The following UBE2E2 variants were observed in gnomAD, a reference collection of about 807,000 sequenced individuals.
The protein encoded by UBE2E2 is ubiquitin-conjugating enzyme E2 E2.
Under a neutral mutation model 24.7 loss-of-function variants are expected in UBE2E2, and 6 were observed. The observed-to-expected ratio is 0.24, with a 90% CI of 0.13 to 0.48. The LOEUF (loss-of-function observed/expected upper bound fraction) is 0.48. UBE2E2 is among the 20% of genes least tolerant of loss of function. UBE2E2 has a pLI of 0.99. For missense variants in UBE2E2, 169 were observed against 245.0 expected (o/e 0.69, Z 2.07); for synonymous variants, 104 against 83.6 (o/e 1.24, Z -1.33).
intron 4 of UBE2E2, among the ~76,000 whole-genome samples, chr3:23,526,673 A>T (rs1052740306): frequency 1.1e-4 from 16 of 152,190 alleles, no homozygotes; most frequent in African/African-American, 3.9e-4. Context: ...AAACTTAGGG[A>T]TCAAGATTTT....
chr3:23,566,367 G>A (rs958374472), intron 5 of UBE2E2, among the ~76,000 whole-genome samples: 9 of 152,282 alleles, frequency 5.9e-5, no homozygotes, highest in Admixed American at 3.9e-4. Flanking sequence ...TTTGAAGAGC[G>A]AAGTTGTGTA....
At chr3:23,353,068 G>A (rs547021612) in intron 3 of UBE2E2, among the ~76,000 whole-genome samples, 1 of 152,302 alleles carries the variant, frequency 6.6e-6, no homozygotes, top group African/African-American at 2.4e-5. Flanking sequence ...TGGGATGCAA[G>A]GCTGGTTCAA....
chr3:23,497,107 A>C (rs1158672794), intron 3 of UBE2E2, among the ~76,000 whole-genome samples: 1 of 152,218 alleles, frequency 6.6e-6, no homozygotes, highest in Non-Finnish European at 1.5e-5. Context: ...CTGAGTTTAC[A>C]TCATCTGTTT....
intron 3 of UBE2E2, among the ~76,000 whole-genome samples, chr3:23,326,425 A>G (rs1249631572): frequency 6.6e-6 from 1 of 152,078 alleles, no homozygotes; most frequent in Non-Finnish European, 1.5e-5. Context: ...GCTTTTCAAG[A>G]TTTTTCAAAA....
At chr3:23,490,723 T>G (rs994723150) in intron 3 of UBE2E2, among the ~76,000 whole-genome samples, 1 of 152,080 alleles carries the variant, frequency 6.6e-6, no homozygotes, top group East Asian at 1.9e-4. Context: ...AAGGAAGTAT[T>G]ATGATGATTA....
At chr3:23,373,168 G>A (rs932453652) in intron 3 of UBE2E2, among the ~76,000 whole-genome samples, 1 of 152,122 alleles carries the variant, frequency 6.6e-6, no homozygotes, top group African/African-American at 2.4e-5. Flanking sequence ...TAGAATCCTA[G>A]TGAACTTAAA....
At chr3:23,463,661 A>G (rs935542201) in intron 3 of UBE2E2, among the ~76,000 whole-genome samples, 2 of 152,094 alleles carry the variant, frequency 1.3e-5, no homozygotes, top group African/African-American at 2.4e-5. Context: ...GTTTCTCTAA[A>G]ATGTTTGGCT....
At chr3:23,366,051 G>A (rs1696248832) in intron 3 of UBE2E2, among the ~76,000 whole-genome samples, 1 of 152,100 alleles carries the variant, frequency 6.6e-6, no homozygotes, top group Non-Finnish European at 1.5e-5. Context: ...GTGATAACTG[G>A]CTAGCAATTT....
intron 3 of UBE2E2, among the ~76,000 whole-genome samples, chr3:23,324,249 G>C (rs772071680): frequency 6.6e-6 from 1 of 152,018 alleles, no homozygotes; most frequent in African/African-American, 2.4e-5. Context: ...TGTATTAGTT[G>C]AATCTGTGAT....
chr3:23,252,649 G>A (rs370490663), intron 3 of UBE2E2, among the ~76,000 whole-genome samples: 7 of 152,040 alleles, frequency 4.6e-5, no homozygotes, highest in African/African-American at 7.2e-5. Context: ...GGCACGTGCC[G>A]CCGCATCCAG....
rs920048448 is a variant in UBE2E2, at chr3:23,474,964, C to T, written c.228-24644C>T. ...GATGACAAGCATTTCACTCAAATTG[C>T]TCCTCTCAAAGTCACCAACTGCATT... On this transcript the variant is annotated intron_variant, in intron 3 of 5. Transcript: ENST00000396703. This position sits in a 1 kb window ranked among gnomAD's most constrained non-coding sequence, Gnocchi z 4.0. Among the ~76,000 whole-genome samples the T allele has an allele frequency of 9.2e-5, 14 of 152,144 alleles. No homozygotes were observed. Among genetic ancestry groups the T allele is most frequent in the South Asian group, 6.2e-4 (3 of 4,822 alleles).
At chr3:23,375,236 A>G (rs977661994) in intron 3 of UBE2E2, among the ~76,000 whole-genome samples, 9 of 152,200 alleles carry the variant, frequency 5.9e-5, no homozygotes, top group Non-Finnish European at 1.3e-4. Flanking sequence ...TTGTACTGAA[A>G]TCTAATTTTA....
intron 3 of UBE2E2, among the ~76,000 whole-genome samples, chr3:23,482,352 C>T (rs1011577674): frequency 2.6e-5 from 4 of 152,058 alleles, no homozygotes; most frequent in African/African-American, 4.8e-5. Context: ...AGTAAACTTG[C>T]GTCTTCTGTT....
In UBE2E2 at chr3:23,589,504, CAAG is replaced by C. The variant is rs972930063; in HGVS notation, c.509-227_509-225del. The stretch of plus-strand genomic sequence containing the variant: ...TACAGGGAAAGAGAATAAGACTTGT[CAAG>C]AAATATGACAAGAGCTATCAGTAAA... On this transcript the variant is annotated intron_variant, in intron 5 of 5. Coordinates refer to ENST00000396703, the MANE Select transcript of UBE2E2 (RefSeq NM_152653.4). The surrounding 1 kb of genome is among the most constrained non-coding windows in gnomAD (Gnocchi z 4.1). Among the ~76,000 whole-genome samples the C allele has an allele frequency of 6.6e-6, 1 of 151,666 alleles. No individual in the cohort carries two copies. The highest frequency in any genetic ancestry group is 2.4e-5 in the African/African-American group (1 of 41,308).
intron 3 of UBE2E2, among the ~76,000 whole-genome samples, chr3:23,275,952 G>A (rs1349144602): frequency 6.6e-6 from 1 of 152,116 alleles, no homozygotes; most frequent in Admixed American, 6.6e-5. Flanking sequence ...GATTTCCAGA[G>A]ACTACGTATC....
intron 3 of UBE2E2, among the ~76,000 whole-genome samples, chr3:23,224,810 T>C (rs895002046): frequency 6.6e-6 from 1 of 152,188 alleles, no homozygotes; most frequent in African/African-American, 2.4e-5. Flanking sequence ...AACATTTATG[T>C]ACAGGTTTTT....
intron 3 of UBE2E2, among the ~76,000 whole-genome samples, chr3:23,292,127 A>G (rs9755698): frequency 0.071 from 10,741 of 151,904 alleles, 406 homozygotes; most frequent in South Asian, 0.18. Context: ...CAAAGTGCTG[A>G]GATTACAGGC....
chr3:23,337,605 G>A (rs1695248117), intron 3 of UBE2E2, among the ~76,000 whole-genome samples: 1 of 152,214 alleles, frequency 6.6e-6, no homozygotes, highest in Non-Finnish European at 1.5e-5. Context: ...ATATTTAAGT[G>A]AAGACTTGAA....
intron 3 of UBE2E2, among the ~76,000 whole-genome samples, chr3:23,320,133 TG>T (rs1252959902): frequency 2.0e-5 from 3 of 152,220 alleles, no homozygotes; most frequent in East Asian, 3.9e-4. Flanking sequence ...TGTAGAAAGC[TG>T]GGGGTTGTCA....
Sources: allele counts gnomAD v4.1 joint callset (sites outside exome capture counted in the v4.1 genomes callset), GRCh38; gene constraint gnomAD v4.1.1; non-coding constraint Gnocchi (gnomAD v3.1); transcripts MANE v1.5; gene names NCBI Gene and HGNC (gene_info 2026-07-23, HGNC 2026-07-21).